UBAP1: variants seen among roughly 807,000 people sequenced by gnomAD.
UBAP1 encodes the protein ubiquitin-associated protein 1.
In UBAP1, 5 loss-of-function variants were observed where a neutral mutation model predicts 39.0. That is an observed-to-expected ratio of 0.13 (90% CI 0.07 to 0.27). UBAP1 has a LOEUF of 0.27. UBAP1 is among the 10% of genes least tolerant of loss of function. The pLI is 1.00. For missense variants in UBAP1, 490 were observed against 608.1 expected, an observed-to-expected ratio of 0.81 and a Z score of 2.04; for synonymous variants, 211 against 225.1, an observed-to-expected ratio of 0.94 and a Z score of 0.56.
intron 2 of UBAP1, among the ~76,000 whole-genome samples, chr9:34,226,135 G>GTGTGTGTGTGTGTGTT (rs1563911359): frequency 2.7e-5 from 4 of 147,982 alleles, no homozygotes; most frequent in African/African-American, 5.1e-5. Context: ...GTGTGTGTGT[G>GTGTGTGTGTGTGTGTT]TGTGTGTGTG....
At chr9:34,197,144 C>T (rs1316700293) in intron 1 of UBAP1, among the ~76,000 whole-genome samples, 1 of 151,756 alleles carries the variant, frequency 6.6e-6, no homozygotes, top group Admixed American at 6.6e-5. Flanking sequence ...GCCAGGCTGG[C>T]GTTGAACTCT....
At chr9:34,226,125 G>GTGTGTGTGTGTGTT (rs1363588939) in intron 2 of UBAP1, among the ~76,000 whole-genome samples, 36 of 139,884 alleles carry the variant, frequency 2.6e-4, no homozygotes, top group Non-Finnish European at 3.4e-4. Flanking sequence ...GTGTGTGTGT[G>GTGTGTGTGTGTGTT]TGTGTGTGTG....
rs138872773 is a variant in UBAP1, at chr9:34,195,074, C to T, written c.-8+15834C>T. On this transcript the variant is annotated intron_variant, in intron 1 of 6. Transcript: ENST00000297661. Reference sequence around the variant, plus strand: ...CTTTTTTTCTGTGCTTACACATACACGGATTTTTTTCTTTTGTCATTTGAG... The same window carrying T: ...CTTTTTTTCTGTGCTTACACATACATGGATTTTTTTCTTTTGTCATTTGAG... 3.3e-3 allele frequency among the ~76,000 whole-genome samples: 493 copies of T among 151,374 alleles called. 1 individual carries two copies. The highest frequency in any genetic ancestry group is 0.011 in the African/African-American group (459 of 41,322).
intron 1 of UBAP1, among the ~76,000 whole-genome samples, chr9:34,212,869 C>CT (rs776278087): frequency 5.3e-5 from 8 of 152,102 alleles, no homozygotes; most frequent in Non-Finnish European, 1.2e-4. Flanking sequence ...CAGCATCACC[C>CT]TACCAAAACC....
Position 34,244,386 on chromosome 9 carries a change from C to T in UBAP1, c.1083+2278C>T, listed in dbSNP as rs1313991078. Among the ~76,000 whole-genome samples, 5 of 136,038 alleles carry T rather than the reference C, an allele frequency of 3.7e-5. 1 individual carries two copies. The East Asian group carries it at 1.1e-3, about 29-fold the overall frequency. 89.2% of individuals were successfully genotyped at this position (136,038 alleles called of 152,430 possible). ...CAAATGACAGGATCTCATTCTTTTTCATGGCTGAACGGTACTCCATTGTGT... is the reference window on the plus strand; with the variant it reads ...CAAATGACAGGATCTCATTCTTTTTTATGGCTGAACGGTACTCCATTGTGT... On this transcript the variant is annotated intron_variant, in intron 4 of 6. Transcript: ENST00000297661.
chr9:34,216,494 T>A (rs1563903544), intron 1 of UBAP1, among the ~76,000 whole-genome samples: 1 of 151,996 alleles, frequency 6.6e-6, no homozygotes, highest in Non-Finnish European at 1.5e-5. Context: ...TTTTTTTTAT[T>A]TTAAATTTTT....
In UBAP1 at chr9:34,230,179, T is replaced by C. The variant is rs188915604; in HGVS notation, c.35-4037T>C. On this transcript the variant is annotated intron_variant, in intron 2 of 6. Transcript: ENST00000297661. ...CCCGGGTTAAAGCAATTCTCCTGCTTCAGCTTCCCGAGTAGCTGGGATTAC... is the reference window on the plus strand; with the variant it reads ...CCCGGGTTAAAGCAATTCTCCTGCTCCAGCTTCCCGAGTAGCTGGGATTAC... Among the ~76,000 whole-genome samples, 33 of 152,188 alleles carry C rather than the reference T, an allele frequency of 2.2e-4. No homozygotes were observed. The East Asian group carries it at 6.2e-3, about 29-fold the overall frequency.
intron 1 of UBAP1, among the ~76,000 whole-genome samples, chr9:34,188,805 A>T (rs1438069688): frequency 6.6e-6 from 1 of 151,982 alleles, no homozygotes; most frequent in Non-Finnish European, 1.5e-5. Context: ...AAAAATAGAA[A>T]AATTAGCCAG....
chr9:34,221,410 T>C (rs1832750470), intron 2 of UBAP1, among the ~76,000 whole-genome samples: 1 of 151,750 alleles, frequency 6.6e-6, no homozygotes, highest in East Asian at 1.9e-4. Flanking sequence ...GCGCCTGTAG[T>C]CCTAGCTACT....
chr9:34,224,265 G>A, intron 2 of UBAP1: 1 of 477,932 alleles, frequency 2.1e-6, no homozygotes, highest in South Asian at 3.8e-5. Flanking sequence ...AGCGCATAGT[G>A]GGACTCGTAC....
intron 1 of UBAP1, chr9:34,192,017 T>A (rs1830752471): frequency 6.7e-6 from 1 of 149,858 alleles, no homozygotes; most frequent in Non-Finnish European, 1.5e-5. Flanking sequence ...TTAATTAAAT[T>A]TTTTTTTTTA....
chr9:34,183,315 G>A (rs962494952), intron 1 of UBAP1, among the ~76,000 whole-genome samples: 3 of 151,544 alleles, frequency 2.0e-5, no homozygotes, highest in African/African-American at 4.8e-5. Context: ...GGGCCGAGGC[G>A]GGCGGATCAT....
chr9:34,238,352 CAT>C (rs967882810), intron 3 of UBAP1, among the ~76,000 whole-genome samples: 42 of 152,252 alleles, frequency 2.8e-4, no homozygotes, highest in African/African-American at 5.8e-4. Flanking sequence ...TGTGTGGACA[CAT>C]GTTTTCAGTT....
At chr9:34,198,162 T>G (rs1831167874) in intron 1 of UBAP1, among the ~76,000 whole-genome samples, 1 of 152,108 alleles carries the variant, frequency 6.6e-6, no homozygotes, top group South Asian at 2.1e-4. Flanking sequence ...GGCTCCATGT[T>G]TAGGCCAGGC....
At chr9:34,180,486 C>T (rs952972676) in intron 1 of UBAP1, among the ~76,000 whole-genome samples, 6 of 144,824 alleles carry the variant, frequency 4.1e-5, no homozygotes, top group African/African-American at 1.0e-4. Flanking sequence ...CCAGCCTGGG[C>T]AACAGAGCGA....
chr9:34,200,707 A>G (rs1347458853), intron 1 of UBAP1, among the ~76,000 whole-genome samples: 1 of 152,158 alleles, frequency 6.6e-6, no homozygotes, highest in African/African-American at 2.4e-5. Flanking sequence ...GAGCATTACC[A>G]ATACATTACT....
chr9:34,182,660 T>TC (rs1830130794), intron 1 of UBAP1, among the ~76,000 whole-genome samples: 2 of 58,724 alleles, frequency 3.4e-5, no homozygotes, highest in African/African-American at 8.1e-5. Context: ...TCTTTCTTTC[T>TC]TTCTTTCTTT....
chr9:34,230,770 T>C (rs970937024), intron 2 of UBAP1, among the ~76,000 whole-genome samples: 1 of 152,232 alleles, frequency 6.6e-6, no homozygotes, highest in African/African-American at 2.4e-5. Context: ...TACATTTTTG[T>C]AACTTTGTTC....
At chr9:34,198,021 G>A (rs7036537) in intron 1 of UBAP1, among the ~76,000 whole-genome samples, 1 of 151,976 alleles carries the variant, frequency 6.6e-6, no homozygotes, top group African/African-American at 2.4e-5. Context: ...CAAGCAGGGC[G>A]TGCTGCTGGA....
Sources: allele counts gnomAD v4.1 joint callset (sites outside exome capture counted in the v4.1 genomes callset), GRCh38; gene constraint gnomAD v4.1.1; transcripts MANE v1.5; gene names NCBI Gene and HGNC (gene_info 2026-07-23, HGNC 2026-07-21).